UGT2B7: variants seen among roughly 807,000 people sequenced by gnomAD.
UGT2B7 encodes the protein UDP glucuronosyltransferase family 2 member B7.
In UGT2B7, 51 loss-of-function variants were observed where a neutral mutation model predicts 51.9. That is an observed-to-expected ratio of 0.98 (90% CI 0.78 to 1.24). The LOEUF is 1.24. Ranked by LOEUF, UGT2B7 falls within the 50% of genes most tolerant of loss-of-function variation. The probability of loss-of-function intolerance (pLI) is 0.00; values close to 1 mark genes in which losing one functional copy is unlikely to be tolerated. For missense variants in UGT2B7, 727 were observed against 628.4 expected, an observed-to-expected ratio of 1.16 and a Z score of -1.68; for synonymous variants, 225 against 211.6, an observed-to-expected ratio of 1.06 and a Z score of -0.55.
intron 1 of UGT2B7, among the ~76,000 whole-genome samples, chr4:69,062,846 C>T (rs1245412884): frequency 2.6e-5 from 4 of 152,090 alleles, no homozygotes; most frequent in African/African-American, 9.7e-5. Flanking sequence ...AAATCTTAGG[C>T]CCAGTAATCT....
intron 5 of UGT2B7, 28 bp downstream of exon 5, chr4:69,108,350 T>A: frequency 6.2e-7 from 1 of 1,608,810 alleles, no homozygotes; most frequent in Non-Finnish European, 8.5e-7. Flanking sequence ...TTTCACTAGG[T>A]GGTATTTACA....
chr4:69,062,560 G>T (rs1440625430), intron 1 of UGT2B7, among the ~76,000 whole-genome samples: 1 of 152,110 alleles, frequency 6.6e-6, no homozygotes, highest in Non-Finnish European at 1.5e-5. Flanking sequence ...CAGGTATCGT[G>T]CCTTGGATCC....
chr4:69,076,647 A>AT (rs1718713714), intron 1 of UGT2B7, among the ~76,000 whole-genome samples: 1 of 152,112 alleles, frequency 6.6e-6, no homozygotes, highest in Non-Finnish European at 1.5e-5. Context: ...TTTTTCTGGT[A>AT]AATTTGTTTA....
chr4:69,057,724 G>T (rs965869881), intron 1 of UGT2B7, among the ~76,000 whole-genome samples: 8 of 152,176 alleles, frequency 5.3e-5, no homozygotes, highest in African/African-American at 1.9e-4. Flanking sequence ...GGCAGGAAAT[G>T]GGAGGAAAAT....
intron 1 of UGT2B7, among the ~76,000 whole-genome samples, chr4:69,062,733 G>A (rs1034734760): frequency 5.9e-5 from 9 of 152,162 alleles, no homozygotes; most frequent in African/African-American, 2.2e-4. Context: ...CATGGTGGAA[G>A]CTTGAGAAAA....
chr4:69,069,125 T>C (rs1718543331), intron 1 of UGT2B7, among the ~76,000 whole-genome samples: 2 of 148,788 alleles, frequency 1.3e-5, no homozygotes, highest in Admixed American at 1.3e-4. Context: ...AAAGGACCGG[T>C]AGATATCAGG....
Position 69,107,210 on chromosome 4 carries a change from C to T in UGT2B7, c.1038C>T (p.Thr346=). The T allele has an allele frequency of 6.2e-7, 1 of 1,609,380 alleles. No homozygotes were observed. The highest frequency in any genetic ancestry group is 8.5e-7 in the Non-Finnish European group (1 of 1,177,172). The change falls in exon 4 of 6, where the codon ACC becomes ACT. Residue 346 remains threonine (T), a synonymous_variant. Transcript: ENST00000305231. ...GATTTGATGGGAATAAACCAGATAC[C>T]TTAGGTCTCAATACTCGGCTCTACA... ...LWRFDGNKPD[T]LGLNTRLYKW...
At chr4:69,092,871 T>G (rs1719114223), upstream of UGT2B7, among the ~76,000 whole-genome samples, 1 of 151,794 alleles carries the variant, frequency 6.6e-6, no homozygotes, top group South Asian at 2.1e-4. Context: ...AGTAATACAT[T>G]TCTTAAAATA....
In UGT2B7 at chr4:69,096,604, G is replaced by A. The variant is rs757210744; in HGVS notation, c.84G>A (p.Val28=). 2 of 1,614,056 alleles carry A rather than the reference G, an allele frequency of 1.2e-6. No homozygotes were observed. Among genetic ancestry groups the A allele is most frequent in the Non-Finnish European group, 1.7e-6 (2 of 1,179,924 alleles). Residue 28 remains valine, a synonymous_variant, in exon 1 of 6, where the codon GTG becomes GTA. Coordinates refer to ENST00000305231, the MANE Select transcript of UGT2B7 (RefSeq NM_001074.4). ...FSSGNCGKVL[V]WAAEYSHWMN... is the part of the protein sequence containing the mutation. Reference sequence around the variant, plus strand: ...CTGGGAATTGTGGAAAGGTGCTGGTGTGGGCAGCAGAATACAGCCATTGGA... The same window carrying A: ...CTGGGAATTGTGGAAAGGTGCTGGTATGGGCAGCAGAATACAGCCATTGGA...
intron 1 of UGT2B7, among the ~76,000 whole-genome samples, chr4:69,064,019 G>GGGAA: frequency 1.7e-5 from 1 of 60,212 alleles, no homozygotes; most frequent in African/African-American, 6.1e-5. Context: ...AGATGAGATG[G>GGGAA]GAAAGAAAGA....
intron 1 of UGT2B7, among the ~76,000 whole-genome samples, chr4:69,085,949 G>T (rs145855722): frequency 6.6e-6 from 1 of 151,184 alleles, no homozygotes; most frequent in Admixed American, 6.6e-5. Flanking sequence ...TAAATTTTAC[G>T]TATTCAATAA....
At chr4:69,089,836 G>T (rs988186018) in intron 2 of UGT2B7, among the ~76,000 whole-genome samples, 10 of 152,136 alleles carry the variant, frequency 6.6e-5, no homozygotes, top group Non-Finnish European at 1.2e-4. Context: ...GTGACAAAAT[G>T]AAAATAAAAT....
chr4:69,072,745 C>A (rs4694604), intron 1 of UGT2B7, among the ~76,000 whole-genome samples: 65,258 of 151,974 alleles, frequency 0.43, 15,570 homozygotes, highest in African/African-American at 0.64. Context: ...ATTGATGAAG[C>A]TTAACATTCA....
At chr4:69,053,316 G>A (rs1245503649) in intron 1 of UGT2B7, among the ~76,000 whole-genome samples, 2 of 152,122 alleles carry the variant, frequency 1.3e-5, no homozygotes, top group Non-Finnish European at 2.9e-5. Flanking sequence ...ACAAATTGGT[G>A]CTAAAGGAAA....
At chr4:69,064,052 GA>G in intron 1 of UGT2B7, among the ~76,000 whole-genome samples, 1 of 93,352 alleles carries the variant, frequency 1.1e-5, no homozygotes, top group Non-Finnish European at 2.0e-5. Context: ...AAGAAAGAAA[GA>G]AAGAAAGAAA....
chr4:69,073,392 A>G (rs1413691365), intron 1 of UGT2B7, among the ~76,000 whole-genome samples: 3 of 152,118 alleles, frequency 2.0e-5, no homozygotes, highest in Non-Finnish European at 4.4e-5. Context: ...TGATTTTTTC[A>G]AGTTACATTT....
intron 1 of UGT2B7, among the ~76,000 whole-genome samples, chr4:69,064,028 GAAAGAAA>G: frequency 3.7e-5 from 2 of 54,016 alleles, no homozygotes; most frequent in East Asian, 1.1e-3. Context: ...GGGAAAGAAA[GAAAGAAA>G]GAAAGAAAGA....
chr4:69,064,120 GAAA>G (rs1718435618), intron 1 of UGT2B7, among the ~76,000 whole-genome samples: 1 of 147,136 alleles, frequency 6.8e-6, no homozygotes, highest in East Asian at 2.0e-4. Flanking sequence ...GAAAAAGAAA[GAAA>G]GAAAGAAAGA....
chr4:69,058,640 C>T lies in UGT2B7; in HGVS notation c.-159+7038C>T, dbSNP rs79797688. Reference sequence around the variant, plus strand: ...TGAGGCCAGCACATGCTGAACACGGCATTTGTAGAGCAGGCCCAGGGGGAT... The same window carrying T: ...TGAGGCCAGCACATGCTGAACACGGTATTTGTAGAGCAGGCCCAGGGGGAT... On this transcript the variant is annotated intron_variant, in intron 1 of 5. Coordinates refer to the UGT2B7 transcript ENST00000502942. Among the ~76,000 whole-genome samples the T allele has an allele frequency of 3.1e-3, 473 of 152,286 alleles. 17 individuals are homozygous for T. The East Asian group carries it at 0.085, about 27-fold the overall frequency.
Sources: allele counts gnomAD v4.1 joint callset (sites outside exome capture counted in the v4.1 genomes callset), GRCh38; gene constraint gnomAD v4.1.1; transcripts MANE v1.5; gene names NCBI Gene and HGNC (gene_info 2026-07-23, HGNC 2026-07-21).